Variants in GLIS2 observed in about 807,000 individuals in gnomAD.
GLIS2 encodes GLIS family zinc finger 2, also known as zinc finger protein GLIS2.
In GLIS2, 14 loss-of-function variants were observed where a neutral mutation model predicts 35.6. The ratio of observed to expected loss-of-function variants is 0.39; its 90% CI spans 0.26 to 0.61. The LOEUF is 0.61. Among genes scored for constraint, GLIS2 ranks in the 20% least tolerant of loss-of-function variants. GLIS2 has a pLI of 0.48. For missense variants in GLIS2, 675 were observed against 713.4 expected (o/e 0.95, Z 0.61); for synonymous variants, 368 against 325.1 (o/e 1.13, Z -1.42).
chr16:4,334,875 G>T lies in GLIS2; in HGVS notation c.420G>T (p.Gly140=), dbSNP rs1476299162. Residue 140 remains glycine (G), a synonymous_variant, in exon 4 of 7, where the codon GGG becomes GGT. Coordinates refer to ENST00000433375, the MANE Select transcript of GLIS2 (RefSeq NM_032575.3). ...TCTTCCTGCCCCTCGGCTCCGGGGG[G>T]GCCCTGCACCTGCCTGCCTCCTCCT... ...FQFFLPLGSG[G]ALHLPASSFL... 5 of 1,613,252 alleles carry T rather than the reference G, an allele frequency of 3.1e-6. No homozygotes were observed. The highest frequency in any genetic ancestry group is 1.6e-4 in the Middle Eastern group (1 of 6,062).
intron 1 of GLIS2, among the ~76,000 whole-genome samples, chr16:4,323,574 G>A (rs775373889): frequency 9.8e-5 from 15 of 152,328 alleles, no homozygotes; most frequent in Non-Finnish European, 2.1e-4. Context: ...GTGTGCGTGT[G>A]TGTGCCGGGG....
chr16:4,337,563 TCCCGGCAC>T lies in GLIS2; in HGVS notation c.*40_*47del. On this transcript the variant is annotated 3_prime_UTR_variant, in exon 7 of 7. Coordinates refer to ENST00000433375, the MANE Select transcript of GLIS2 (RefSeq NM_032575.3). ...ACAGTTGTGGTGCCCCCCCGGCAGC[TCCCGGCAC>T]TGCCCCCGACGAACGGAAACTCTTC... 1 of 1,539,128 alleles carries T rather than the reference TCCCGGCAC, an allele frequency of 6.5e-7. No individual in the cohort carries two copies. Among genetic ancestry groups the T allele is most frequent in the Non-Finnish European group, 8.7e-7 (1 of 1,148,034 alleles).
intron 6 of GLIS2, 83 bp from the exon 7 acceptor site, chr16:4,336,642 C>A: frequency 7.2e-7 from 1 of 1,387,238 alleles, no homozygotes; most frequent in Non-Finnish European, 1.0e-6. Flanking sequence ...AGTGCTTGGC[C>A]CGGGGAAATG....
rs1274559468 is a variant in GLIS2, at chr16:4,339,397, T to C, written c.*1873T>C. 1 of 152,838 alleles carries C rather than the reference T, an allele frequency of 6.5e-6. No individual in the cohort carries two copies. The highest frequency in any genetic ancestry group is 2.4e-5 in the African/African-American group (1 of 41,474). The allele number at this position is 152,838 out of a possible 1,614,324, so 9.5% of individuals were successfully genotyped here. A position where few individuals can be genotyped will look rare whatever the true frequency, so the allele number is the denominator to read the frequency against. On this transcript the variant is annotated 3_prime_UTR_variant, in exon 7 of 7. Coordinates refer to ENST00000433375, the MANE Select transcript of GLIS2 (RefSeq NM_032575.3). ...GTGTACTTTTTGTGGTTGTCATTGG[T>C]GTGTTGTTGCACATTCCAGGACGTC...
chr16:4,337,638 C>T lies in GLIS2; in HGVS notation c.*114C>T, dbSNP rs1173622386. 6.9e-7 allele frequency: 1 copy of T among 1,446,534 alleles called. No individual in the cohort carries two copies. The highest frequency in any genetic ancestry group is 2.5e-5 in the East Asian group (1 of 40,426). The allele number at this position is 1,446,534 out of a possible 1,614,324, so 89.6% of individuals were successfully genotyped here. On this transcript the variant is annotated 3_prime_UTR_variant, in exon 7 of 7. Transcript: ENST00000433375. ...TGTCCTACTGCCCGGGCAGCCCCAG[C>T]CCAGCCCGCCGGGAGCAAGGATGGT...
At chr16:4,334,697 A>G in intron 3 of GLIS2, 104 bp from the exon 4 acceptor site, 1 of 1,353,116 alleles carries the variant, frequency 7.4e-7, no homozygotes, top group Non-Finnish European at 1.0e-6. Context: ...TGGGGAGAAG[A>G]GGACCTGAAT....
In GLIS2 at chr16:4,337,624, C is replaced by G; in HGVS notation, c.*100C>G. The stretch of plus-strand genomic sequence containing the variant: ...TGAAATAGCAATAATGTCCTACTGC[C>G]CGGGCAGCCCCAGCCCAGCCCGCCG... On this transcript the variant is annotated 3_prime_UTR_variant, in exon 7 of 7. Transcript: ENST00000433375. 6.7e-7 allele frequency: 1 copy of G among 1,497,560 alleles called. No individual in the cohort carries two copies. The highest frequency in any genetic ancestry group is 9.0e-7 in the Non-Finnish European group (1 of 1,114,054). 92.8% of individuals were successfully genotyped at this position (1,497,560 alleles called of 1,614,324 possible). A position where few individuals can be genotyped will look rare whatever the true frequency, so the allele number is the denominator to read the frequency against.
chr16:4,335,729 T>G lies in GLIS2; in HGVS notation c.775+336T>G. On this transcript the variant is annotated intron_variant, in intron 6 of 6. Transcript: ENST00000433375. The surrounding 1 kb of genome is among the most constrained non-coding windows in gnomAD (Gnocchi z 4.6). ...GCCCATACCAGGACAGCTCTGGTTG[T>G]CAGAGCCACAGACATAATTTTACAT... 1 of 342,642 alleles carries G rather than the reference T, an allele frequency of 2.9e-6. No individual in the cohort carries two copies. The highest frequency in any genetic ancestry group is 4.4e-5 in the Admixed American group (1 of 22,942). 21.2% of individuals were successfully genotyped at this position (342,642 alleles called of 1,614,324 possible).
intron 1 of GLIS2, among the ~76,000 whole-genome samples, chr16:4,319,077 G>C (rs1169944168): frequency 5.3e-5 from 8 of 152,250 alleles, no homozygotes; most frequent in Admixed American, 5.2e-4. Context: ...TCTAAGGGGA[G>C]GCCCAGGGGT....
rs2141135025 is a variant in GLIS2 at position 4,337,152 on chromosome 16, G to C, written c.1203G>C (p.Gly401=). 5 of 1,538,848 alleles carry C rather than the reference G, an allele frequency of 3.2e-6. No homozygotes were observed. The highest frequency in any genetic ancestry group is 4.4e-6 in the Non-Finnish European group (5 of 1,146,760). ...GSGGGGGMGP[G]LPGPVLPLNL... ...GGGGTGGGGGGGGCATGGGCCCTGG[G>C]CTGCCAGGCCCCGTCCTGCCTCTCA... is the stretch of plus-strand genomic sequence containing the variant. Residue 401 remains glycine, a synonymous_variant, in exon 7 of 7, where the codon GGG becomes GGC. Coordinates refer to ENST00000433375, the MANE Select transcript of GLIS2 (RefSeq NM_032575.3).
In GLIS2 at chr16:4,320,868, C is replaced by T. The variant is rs2053371495; in HGVS notation, c.-67+4614C>T. 6.6e-6 allele frequency among the ~76,000 whole-genome samples: 1 copy of T among 152,116 alleles called. No homozygotes were observed. The highest frequency in any genetic ancestry group is 2.4e-5 in the African/African-American group (1 of 41,422). On this transcript the variant is annotated intron_variant, in intron 1 of 6. Coordinates refer to ENST00000433375, the MANE Select transcript of GLIS2 (RefSeq NM_032575.3). The surrounding 1 kb of genome is among the most constrained non-coding windows in gnomAD (Gnocchi z 5.6). ...TCGTCTCCCTGCCAGCCCCGGCCTC[C>T]CCCAGCACCCCCCGGAGCACCTAGT...
intron 1 of GLIS2, among the ~76,000 whole-genome samples, chr16:4,318,337 C>T (rs1286943472): frequency 6.6e-6 from 1 of 152,106 alleles, no homozygotes; most frequent in African/African-American, 2.4e-5. Flanking sequence ...TCCCAGAGTC[C>T]ATGAGAAGCC....
Position 4,320,474 on chromosome 16 carries a change from C to A in GLIS2, c.-67+4220C>A, listed in dbSNP as rs994022735. Among the ~76,000 whole-genome samples the A allele has an allele frequency of 6.6e-6, 1 of 152,112 alleles. No homozygotes were observed. Among genetic ancestry groups the A allele is most frequent in the South Asian group, 2.1e-4 (1 of 4,828 alleles). ...GGTTTGGCCCGAGGTCACTCCCAATCGGGGAAGAACAGAGGGGAACTGGAG... is the reference window on the plus strand; with the variant it reads ...GGTTTGGCCCGAGGTCACTCCCAATAGGGGAAGAACAGAGGGGAACTGGAG... On this transcript the variant is annotated intron_variant, in intron 1 of 6. Transcript: ENST00000433375. The surrounding 1 kb of genome is among the most constrained non-coding windows in gnomAD (Gnocchi z 5.6).
In GLIS2 at chr16:4,338,685, G is replaced by C. The variant is rs78428657; in HGVS notation, c.*1161G>C. 6.5e-6 allele frequency: 1 copy of C among 153,356 alleles called. No individual in the cohort carries two copies. Among genetic ancestry groups the C allele is most frequent in the Admixed American group, 6.5e-5 (1 of 15,292 alleles). 9.5% of individuals were successfully genotyped at this position (153,356 alleles called of 1,614,324 possible). On this transcript the variant is annotated 3_prime_UTR_variant, in exon 7 of 7. Transcript: ENST00000433375. ...TCCTCTGGCTTTTCCCTGCTGGGCC[G>C]CTTTCTCAGAGGCACTTCCCCACCC...
At chr16:4,322,385 G>T (rs533646642) in intron 1 of GLIS2, among the ~76,000 whole-genome samples, 1 of 152,332 alleles carries the variant, frequency 6.6e-6, no homozygotes, top group East Asian at 1.9e-4. Flanking sequence ...GTGGCACTGG[G>T]CTTTGGGGTC....
Position 4,332,435 on chromosome 16 carries a change from C to T in GLIS2, c.155C>T (p.Pro52Leu). Reference sequence around the variant, plus strand: ...GATGACAGCCCCACACCTGGCTCTCCAGGCTCCCCGCCCTCAGGTACTGGC... The same window carrying T: ...GATGACAGCCCCACACCTGGCTCTCTAGGCTCCCCGCCCTCAGGTACTGGC... ...LVDDSPTPGSPGSPPSGFLLN... is the reference protein window; with the variant it reads ...LVDDSPTPGSLGSPPSGFLLN... The change falls in exon 2 of 7, where the codon CCA becomes CTA. Residue 52 changes from proline (P) to leucine (L), a missense_variant. By Grantham distance (98) the Pro-to-Leu change is moderately conservative. Around this residue, in one of 3 missense-constraint regions of GLIS2, gnomAD observed 225 missense variants for 238.7 expected, o/e 0.94. Coordinates refer to ENST00000433375, the MANE Select transcript of GLIS2 (RefSeq NM_032575.3). The surrounding 1 kb of genome is among the most constrained non-coding windows in gnomAD (Gnocchi z 5.4). 1.2e-6 allele frequency: 2 copies of T among 1,612,030 alleles called. No individual in the cohort carries two copies. Among genetic ancestry groups the T allele is most frequent in the Non-Finnish European group, 1.7e-6 (2 of 1,179,948 alleles).
intron 1 of GLIS2, among the ~76,000 whole-genome samples, chr16:4,318,340 G>T (rs946430014): frequency 6.6e-6 from 1 of 152,184 alleles, no homozygotes; most frequent in Admixed American, 6.5e-5. Context: ...CAGAGTCCAT[G>T]AGAAGCCTGG....
chr16:4,316,896 C>T (rs1416847137), intron 1 of GLIS2, among the ~76,000 whole-genome samples: 1 of 152,170 alleles, frequency 6.6e-6, no homozygotes, highest in African/African-American at 2.4e-5. Flanking sequence ...GGGGTCCATA[C>T]TCGCCGGAGG....
chr16:4,323,819 T>C (rs1334702630), intron 1 of GLIS2, among the ~76,000 whole-genome samples: 3 of 152,212 alleles, frequency 2.0e-5, no homozygotes, highest in Non-Finnish European at 4.4e-5. Context: ...AGCTGGCAGC[T>C]TCTTTATGGC....
Sources: allele counts gnomAD v4.1 joint callset (sites outside exome capture counted in the v4.1 genomes callset), GRCh38; gene constraint gnomAD v4.1.1; regional missense constraint gnomAD v4.1.1; non-coding constraint Gnocchi (gnomAD v3.1); transcripts MANE v1.5; gene names NCBI Gene and HGNC (gene_info 2026-07-23, HGNC 2026-07-21).